PSMD14: variants seen among roughly 807,000 people sequenced by gnomAD.
PSMD14 encodes ubiquitin C-terminal hydrolase PSMD14.
A neutral mutation model predicts 41.2 loss-of-function variants in PSMD14; 7 were observed. The ratio of observed to expected loss-of-function variants is 0.17; its 90% CI spans 0.10 to 0.32. The LOEUF (loss-of-function observed/expected upper bound fraction) is 0.32, where lower values mean the gene tolerates loss of function less well. Ranked by LOEUF, PSMD14 falls within the 10% of genes least tolerant of loss-of-function variation. The pLI, the probability that PSMD14 is intolerant of heterozygous loss-of-function variation, is 1.00. For missense variants in PSMD14, 139 were observed against 375.6 expected (o/e 0.37, Z 5.21); for synonymous variants, 114 against 122.3 (o/e 0.93, Z 0.45).
intron 8 of PSMD14, among the ~76,000 whole-genome samples, chr2:161,388,342 G>A (rs558763362): frequency 1.3e-5 from 2 of 152,126 alleles, no homozygotes; most frequent in South Asian, 2.1e-4. Flanking sequence ...AGTACATGAG[G>A]AAACCTGAGG....
At chr2:161,367,334 A>G (rs781278720) in intron 3 of PSMD14, 144 bp from the exon 4 acceptor site, 5 of 636,364 alleles carry the variant, frequency 7.9e-6, no homozygotes, top group Non-Finnish European at 1.3e-5. Context: ...ATGTGTTTTG[A>G]TTATGTCATA....
chr2:161,401,202 C>G (rs1269449749), intron 10 of PSMD14, among the ~76,000 whole-genome samples: 1 of 152,186 alleles, frequency 6.6e-6, no homozygotes, highest in African/African-American at 2.4e-5. Flanking sequence ...TTTTCTCTAG[C>G]TTACTTCGTT....
chr2:161,376,256 C>T (rs1214916330), intron 7 of PSMD14, among the ~76,000 whole-genome samples: 1 of 151,450 alleles, frequency 6.6e-6, no homozygotes, highest in Non-Finnish European at 1.5e-5. Context: ...TTTTCTTGAG[C>T]TTCAGATTTT....
chr2:161,409,474 C>T (rs1245188218), intron 11 of PSMD14: 1 of 152,214 alleles, frequency 6.6e-6, no homozygotes, highest in East Asian at 1.9e-4. Flanking sequence ...ATTTTTTCCC[C>T]ATTTCATGGA....
chr2:161,345,411 T>G (rs1282792778), intron 3 of PSMD14, among the ~76,000 whole-genome samples: 4 of 151,516 alleles, frequency 2.6e-5, no homozygotes, highest in African/African-American at 9.7e-5. Flanking sequence ...CCCGGCTAAT[T>G]TTTCTATTTT....
chr2:161,388,954 A>C (rs1683670448), intron 8 of PSMD14, among the ~76,000 whole-genome samples: 1 of 152,132 alleles, frequency 6.6e-6, no homozygotes, highest in East Asian at 1.9e-4. Context: ...CTGGGGGCAC[A>C]CAGCAGGTGA....
At chr2:161,365,276 C>T (rs770901716) in intron 3 of PSMD14, among the ~76,000 whole-genome samples, 4 of 152,178 alleles carry the variant, frequency 2.6e-5, no homozygotes, top group Admixed American at 1.3e-4. Flanking sequence ...TCCTCTCTCT[C>T]GAGGTAACTC....
rs996556451 is a variant in PSMD14, at chr2:161,334,916, G to A, written c.48+16043G>A. On this transcript the variant is annotated intron_variant, in intron 3 of 11. Transcript: ENST00000409682. Reference sequence around the variant, plus strand: ...CCTTAATTCCTCAGAAACAGGCACTGTGTCATCTTTTGTGTGGTATCTCAA... The same window carrying A: ...CCTTAATTCCTCAGAAACAGGCACTATGTCATCTTTTGTGTGGTATCTCAA... Among the ~76,000 whole-genome samples the A allele has an allele frequency of 3.9e-5, 6 of 152,210 alleles. No individual in the cohort carries two copies. In the East Asian group the frequency reaches 1.2e-3, roughly 29 times the overall value.
intron 10 of PSMD14, among the ~76,000 whole-genome samples, chr2:161,398,278 T>A (rs1683828108): frequency 6.6e-6 from 1 of 152,112 alleles, no homozygotes; most frequent in South Asian, 2.1e-4. Flanking sequence ...TGCTACCAAT[T>A]CTTCATAGTA....
chr2:161,315,501 G>T (rs13414363), intron 1 of PSMD14, among the ~76,000 whole-genome samples: 43,870 of 152,066 alleles, frequency 0.29, 6,806 homozygotes, highest in East Asian at 0.52. Context: ...CTACAGAGAT[G>T]AAGTCTCTAG....
At chr2:161,311,871 T>C (rs1467635665) in intron 1 of PSMD14, among the ~76,000 whole-genome samples, 2 of 151,926 alleles carry the variant, frequency 1.3e-5, no homozygotes, top group Non-Finnish European at 2.9e-5. Flanking sequence ...CGCCTCGGCC[T>C]CCCAAAGAGC....
chr2:161,390,250 A>T (rs528364129), intron 8 of PSMD14, among the ~76,000 whole-genome samples: 91 of 152,124 alleles, frequency 6.0e-4, no homozygotes, highest in African/African-American at 2.1e-3. Context: ...TTCTCTTTAG[A>T]TTCCTGAGGG....
chr2:161,390,439 T>G (rs995102189), intron 8 of PSMD14, among the ~76,000 whole-genome samples: 33 of 152,244 alleles, frequency 2.2e-4, no homozygotes, highest in Middle Eastern at 3.4e-3. Flanking sequence ...GTGAATTGAT[T>G]TCAGGACATC....
chr2:161,354,558 T>A (rs1049227842), intron 3 of PSMD14, among the ~76,000 whole-genome samples: 3 of 152,178 alleles, frequency 2.0e-5, no homozygotes, highest in African/African-American at 2.4e-5. Flanking sequence ...GAGACAGCCA[T>A]TTCCTATTCT....
chr2:161,368,059 A>G (rs929867447), intron 5 of PSMD14, among the ~76,000 whole-genome samples, 156 bp downstream of exon 5: 2 of 152,196 alleles, frequency 1.3e-5, no homozygotes, highest in Non-Finnish European at 2.9e-5. Context: ...ATTGAATTAA[A>G]TCATTAATCT....
Position 161,348,680 on chromosome 2 carries a change from TA to T in PSMD14, c.49-18795del, listed in dbSNP as rs1683078323. ...ATGTTATTTGTGTATACTTATGTAG[TA>T]AAGGTATAAAGAAATGCACGATCAC... On this transcript the variant is annotated intron_variant, in intron 3 of 11. Coordinates refer to ENST00000409682, the MANE Select transcript of PSMD14 (RefSeq NM_005805.6). 1.3e-5 allele frequency among the ~76,000 whole-genome samples: 2 copies of T among 152,296 alleles called. 1 individual carries two copies. The highest frequency in any genetic ancestry group is 1.3e-4 in the Admixed American group (2 of 15,300).
At chr2:161,325,669 G>C (rs1015716280) in intron 3 of PSMD14, among the ~76,000 whole-genome samples, 2 of 152,048 alleles carry the variant, frequency 1.3e-5, no homozygotes, top group African/African-American at 4.8e-5. Flanking sequence ...ACTGACTCTA[G>C]AATTCATATA....
chr2:161,392,736 A>T (rs564629998), intron 9 of PSMD14, among the ~76,000 whole-genome samples: 12 of 152,172 alleles, frequency 7.9e-5, no homozygotes, highest in African/African-American at 2.6e-4. Context: ...ACCACAGTTT[A>T]CTTCTGCTGT....
rs189628122 is a variant in PSMD14 at position 161,348,722 on chromosome 2, G to A, written c.49-18756G>A. On this transcript the variant is annotated intron_variant, in intron 3 of 11. Coordinates refer to ENST00000409682, the MANE Select transcript of PSMD14 (RefSeq NM_005805.6). ...GCACGATCACTAAGATGAGAATAGC[G>A]GTGACATCTGAGGATATGGAGTAAG... Among the ~76,000 whole-genome samples, 147 of 152,236 alleles carry A rather than the reference G, an allele frequency of 9.7e-4. 1 individual carries two copies. Among genetic ancestry groups the A allele is most frequent in the African/African-American group, 3.4e-3 (141 of 41,532 alleles).
Sources: allele counts gnomAD v4.1 joint callset (sites outside exome capture counted in the v4.1 genomes callset), GRCh38; gene constraint gnomAD v4.1.1; transcripts MANE v1.5; gene names NCBI Gene and HGNC (gene_info 2026-07-23, HGNC 2026-07-21).